CARS2: variants seen among roughly 807,000 people sequenced by gnomAD.
CARS2 encodes probable cysteine--tRNA ligase, mitochondrial.
In CARS2, 52 loss-of-function variants were observed where a neutral mutation model predicts 68.8. The ratio of observed to expected loss-of-function variants is 0.76; its 90% CI spans 0.61 to 0.95. The LOEUF (loss-of-function observed/expected upper bound fraction) is 0.95, where lower values mean the gene tolerates loss of function less well. CARS2 is among the 40% of genes least tolerant of loss of function. CARS2 has a pLI of 0.00. For synonymous variants in CARS2, 314 were observed against 303.6 expected (o/e 1.03, Z -0.36); for missense variants, 780 against 754.2 (o/e 1.03, Z -0.40).
intron 3 of CARS2, among the ~76,000 whole-genome samples, chr13:110,692,071 C>T (rs1318930869): frequency 1.4e-5 from 2 of 144,092 alleles, no homozygotes; most frequent in African/African-American, 5.1e-5. Context: ...TATATATACA[C>T]ACATACATAT....
At chr13:110,658,388 T>C (rs2139729152) in intron 9 of CARS2, among the ~76,000 whole-genome samples, 1 of 152,302 alleles carries the variant, frequency 6.6e-6, no homozygotes, top group South Asian at 2.1e-4. Flanking sequence ...AATGGGAAGT[T>C]GTTCAGTGAG....
chr13:110,649,707 C>G (rs2062149058), intron 10 of CARS2, among the ~76,000 whole-genome samples: 1 of 152,134 alleles, frequency 6.6e-6, no homozygotes, highest in Admixed American at 6.5e-5. Context: ...CGACCCAGGG[C>G]CTCGGCAGTG....
At position 110,705,527 on chromosome 13, in the gene CARS2, T is replaced by C. The variant is rs752180849; in HGVS notation, c.269A>G (p.His90Arg). ...PTVYDHAHLG[H>R]ACSYVRFDII... Reference sequence around the variant, plus strand: ...TCAAATCCAGGAAACTCACCAAGCATGGCCAAGGTGCGCATGATCATATAC... The same window carrying C: ...TCAAATCCAGGAAACTCACCAAGCACGGCCAAGGTGCGCATGATCATATAC... The change falls in exon 2 of 15, where the codon CAT becomes CGT. Residue 90 changes from histidine to arginine, a missense_variant. His to Arg is a conservative substitution (Grantham distance 29). Coordinates refer to ENST00000257347, the MANE Select transcript of CARS2 (RefSeq NM_024537.4). This position sits in a 1 kb window ranked among gnomAD's most constrained non-coding sequence, Gnocchi z 4.0. 23 of 1,600,488 alleles carry C rather than the reference T, an allele frequency of 1.4e-5. No individual in the cohort carries two copies. Among genetic ancestry groups the C allele is most frequent in the Admixed American group, 1.7e-5 (1 of 57,712 alleles).
chr13:110,700,012 C>G (rs1387096703), intron 3 of CARS2, among the ~76,000 whole-genome samples: 1 of 152,258 alleles, frequency 6.6e-6, no homozygotes, highest in African/African-American at 2.4e-5. Context: ...GTGCGCAGGC[C>G]ATTCCCACCT....
intron 6 of CARS2, among the ~76,000 whole-genome samples, chr13:110,682,081 T>C (rs2063173063): frequency 6.6e-6 from 1 of 151,512 alleles, no homozygotes; most frequent in Non-Finnish European, 1.5e-5. Context: ...TGGGCAAAGC[T>C]GATGCGTCAA....
chr13:110,651,674 G>A (rs987119498), intron 9 of CARS2, among the ~76,000 whole-genome samples: 6 of 152,232 alleles, frequency 3.9e-5, no homozygotes, highest in African/African-American at 1.4e-4. Flanking sequence ...CCAGCTTCTG[G>A]TTAAACCTAA....
chr13:110,649,931 C>CTTTTTTTTTTTTTTTTTTTTTTTTT (rs59276783), intron 10 of CARS2, among the ~76,000 whole-genome samples: 7 of 73,140 alleles, frequency 9.6e-5, no homozygotes, highest in South Asian at 5.8e-4. Flanking sequence ...TGGATAACGA[C>CTTTTTTTTTTTTTTTTTTTTTTTTT]TTTTTTTTTT....
At chr13:110,702,319 T>C (rs1350707548) in intron 2 of CARS2, among the ~76,000 whole-genome samples, 3 of 152,192 alleles carry the variant, frequency 2.0e-5, no homozygotes, top group Admixed American at 2.0e-4. Context: ...GACCAAATCT[T>C]GATTCCAGGG....
rs7330609 is a variant in CARS2 at position 110,668,520 on chromosome 13, T to C, written c.786-1047A>G. Among the ~76,000 whole-genome samples, 122,079 of 150,916 alleles carry C rather than the reference T, an allele frequency of 0.81. 49,656 individuals carry two copies. The highest frequency in any genetic ancestry group is 0.85 in the Middle Eastern group (251 of 294). On this transcript the variant is annotated intron_variant, in intron 7 of 14. Coordinates refer to ENST00000257347, the MANE Select transcript of CARS2 (RefSeq NM_024537.4). The surrounding 1 kb of genome is among the most constrained non-coding windows in gnomAD (Gnocchi z 4.1). ...TCGCGCCACTGCACTCCAGCCTGGG[T>C]GACAGAGCGAGACTCCGTCTCAAAA...
intron 9 of CARS2, among the ~76,000 whole-genome samples, chr13:110,654,017 A>G (rs2062294805): frequency 6.6e-6 from 1 of 152,226 alleles, no homozygotes; most frequent in Non-Finnish European, 1.5e-5. Flanking sequence ...GCAATCTCCC[A>G]GAGCCCAGGC....
At chr13:110,648,976 G>A (rs575961121) in intron 10 of CARS2, 4 of 152,222 alleles carry the variant, frequency 2.6e-5, no homozygotes, top group African/African-American at 9.6e-5. Context: ...GCCACGAGGG[G>A]AGCAAGCACG....
At chr13:110,641,764 G>A (rs917792813) in intron 14 of CARS2, among the ~76,000 whole-genome samples, 156 bp from the exon 15 acceptor site, 4 of 152,244 alleles carry the variant, frequency 2.6e-5, no homozygotes, top group Admixed American at 2.0e-4. Context: ...ACCTCCAGCA[G>A]AAGGCCAGGA....
At chr13:110,662,314 C>T (rs1004422743) in intron 9 of CARS2, among the ~76,000 whole-genome samples, 3 of 122,106 alleles carry the variant, frequency 2.5e-5, no homozygotes, top group African/African-American at 6.9e-5. Flanking sequence ...ACCCCATGGC[C>T]GGCTTCGGAC....
At chr13:110,652,597 T>C (rs376602) in intron 9 of CARS2, among the ~76,000 whole-genome samples, 66,516 of 152,120 alleles carry the variant, frequency 0.44, 15,651 homozygotes, top group African/African-American at 0.61. Context: ...CTTCAGAGGA[T>C]GGAGCAGGTC....
intron 9 of CARS2, among the ~76,000 whole-genome samples, chr13:110,659,943 T>C (rs439623): frequency 0.28 from 43,055 of 152,176 alleles, 6,803 homozygotes; most frequent in African/African-American, 0.39. Context: ...TAGCATCCAA[T>C]GTTTGATAGC....
At chr13:110,642,708 G>C (rs778365603) in intron 13 of CARS2, 187 bp from the exon 14 acceptor site, 1 of 763,622 alleles carries the variant, frequency 1.3e-6, no homozygotes, top group East Asian at 2.4e-5. Flanking sequence ...CTCTGGGCAA[G>C]GCTCCACTCA....
At chr13:110,650,018 C>T (rs1237654821) in intron 10 of CARS2, among the ~76,000 whole-genome samples, 2 of 149,932 alleles carry the variant, frequency 1.3e-5, no homozygotes, top group Non-Finnish European at 3.0e-5. Context: ...GCTCACTGCA[C>T]CTCCGCCTCC....
At chr13:110,648,313 A>C (rs1196824875) in intron 10 of CARS2, 2 of 152,226 alleles carry the variant, frequency 1.3e-5, no homozygotes, top group Non-Finnish European at 2.9e-5. Flanking sequence ...TTAGAATAAG[A>C]TTACCATTAA....
chr13:110,677,179 C>A, intron 6 of CARS2, 76 bp from the exon 7 acceptor site: 1 of 1,450,700 alleles, frequency 6.9e-7, no homozygotes, highest in Non-Finnish European at 9.2e-7. Context: ...TTCACCCCCA[C>A]CACAGAAACC....
Sources: allele counts gnomAD v4.1 joint callset (sites outside exome capture counted in the v4.1 genomes callset), GRCh38; gene constraint gnomAD v4.1.1; non-coding constraint Gnocchi (gnomAD v3.1); transcripts MANE v1.5; gene names NCBI Gene and HGNC (gene_info 2026-07-23, HGNC 2026-07-21).